Variants in LMX1A observed in about 807,000 individuals in gnomAD.
LMX1A encodes the protein LIM homeobox transcription factor 1-alpha.
A neutral mutation model predicts 49.1 loss-of-function variants in LMX1A; 15 were observed. That is an observed-to-expected ratio of 0.31 (90% CI 0.20 to 0.47). The LOEUF is 0.47. Ranked by LOEUF, LMX1A falls within the 20% of genes least tolerant of loss-of-function variation. LMX1A has a pLI of 1.00. For missense variants in LMX1A, 372 were observed against 475.8 expected (o/e 0.78, Z 2.03); for synonymous variants, 167 against 185.7 (o/e 0.90, Z 0.82).
intron 3 of LMX1A, among the ~76,000 whole-genome samples, chr1:165,272,782 T>G (rs1416593222): frequency 6.6e-6 from 1 of 152,058 alleles, no homozygotes. Context: ...CTATGAGCGA[T>G]AGTTATTGAT....
intron 3 of LMX1A, among the ~76,000 whole-genome samples, chr1:165,277,392 C>A (rs891576682): frequency 2.0e-5 from 3 of 152,212 alleles, no homozygotes; most frequent in East Asian, 1.9e-4. Flanking sequence ...CCAAATCCCC[C>A]CCTTGGGAAG....
At chr1:165,293,408 A>G (rs1654532253) in intron 3 of LMX1A, among the ~76,000 whole-genome samples, 1 of 152,254 alleles carries the variant, frequency 6.6e-6, no homozygotes, top group Non-Finnish European at 1.5e-5. Flanking sequence ...AAGTCACATT[A>G]CTACTCTTAC....
At chr1:165,204,440 C>T (rs1650986014) in intron 8 of LMX1A, among the ~76,000 whole-genome samples, 1 of 152,204 alleles carries the variant, frequency 6.6e-6, no homozygotes, top group Non-Finnish European at 1.5e-5. Flanking sequence ...TTGAGTGAAG[C>T]TAATGAAAAC....
intron 3 of LMX1A, among the ~76,000 whole-genome samples, chr1:165,339,525 G>C (rs1571231693): frequency 6.6e-6 from 1 of 152,164 alleles, no homozygotes; most frequent in South Asian, 2.1e-4. Flanking sequence ...TGAGATGACT[G>C]GTATCTGAAG....
intron 3 of LMX1A, among the ~76,000 whole-genome samples, chr1:165,268,534 C>T (rs1016679721): frequency 2.0e-5 from 3 of 152,152 alleles, no homozygotes; most frequent in Admixed American, 1.3e-4. Flanking sequence ...ACATCTAATG[C>T]CAATATGTAC....
At position 165,212,512 on chromosome 1, in the gene LMX1A, G is replaced by GT. The variant is rs755910043; in HGVS notation, c.669+1128dup. 3.7e-4 allele frequency among the ~76,000 whole-genome samples: 23 copies of GT among 62,912 alleles called. No homozygotes were observed. The East Asian group carries it at 0.018, about 48-fold the overall frequency. 41.3% of individuals were successfully genotyped at this position (62,912 alleles called of 152,430 possible). ...TTGTTGGGAACCATGGTGACTTTTT[G>GT]TTTGTTTTTTTTTTATCACAGACAA... On this transcript the variant is annotated intron_variant, in intron 5 of 8. Coordinates refer to ENST00000342310, the MANE Select transcript of LMX1A (RefSeq NM_177398.4).
chr1:165,249,651 G>C lies in LMX1A; in HGVS notation c.264-11C>G. 1 of 1,608,972 alleles carries C rather than the reference G, an allele frequency of 6.2e-7. No homozygotes were observed. The highest frequency in any genetic ancestry group is 8.5e-7 in the Non-Finnish European group (1 of 1,176,786). ...TTAACAGCAAACAGCCTGGCAGCAGGGAGAAAGGAAGTACATGCACCATGA... is the reference window on the plus strand; with the variant it reads ...TTAACAGCAAACAGCCTGGCAGCAGCGAGAAAGGAAGTACATGCACCATGA... On this transcript the variant is annotated splice_polypyrimidine_tract_variant and intron_variant, in intron 3 of 8. Coordinates refer to ENST00000342310, the MANE Select transcript of LMX1A (RefSeq NM_177398.4).
chr1:165,255,469 A>T (rs565806244), intron 3 of LMX1A, among the ~76,000 whole-genome samples: 7 of 152,202 alleles, frequency 4.6e-5, no homozygotes, highest in Non-Finnish European at 8.8e-5. Flanking sequence ...AGGCAGCATG[A>T]CTGGGAGAAC....
At chr1:165,213,865 G>A in intron 4 of LMX1A, 52 bp from the exon 5 acceptor site, 1 of 1,561,304 alleles carries the variant, frequency 6.4e-7, no homozygotes, top group South Asian at 1.1e-5. Flanking sequence ...AGTTCCTGGA[G>A]CTGTATGTTA....
intron 3 of LMX1A, among the ~76,000 whole-genome samples, chr1:165,352,602 G>A (rs371819162): frequency 6.6e-6 from 1 of 152,214 alleles, no homozygotes; most frequent in East Asian, 1.9e-4. Context: ...CAGAAGCTGC[G>A]GGGTCAATAC....
intron 3 of LMX1A, among the ~76,000 whole-genome samples, chr1:165,262,386 A>C (rs1653469921): frequency 6.6e-6 from 1 of 152,236 alleles, no homozygotes; most frequent in Non-Finnish European, 1.5e-5. Flanking sequence ...ACCTGTTAAG[A>C]ATGCAGAAAA....
intron 4 of LMX1A, among the ~76,000 whole-genome samples, chr1:165,215,820 G>A (rs1651621931): frequency 6.6e-6 from 1 of 152,166 alleles, no homozygotes; most frequent in Non-Finnish European, 1.5e-5. Flanking sequence ...CATGCTGTAA[G>A]TATGGCCCTG....
At position 165,226,157 on chromosome 1, in the gene LMX1A, A is replaced by G. The variant is rs1207855619; in HGVS notation, c.497-12344T>C. Among the ~76,000 whole-genome samples the G allele has an allele frequency of 3.9e-5, 6 of 152,312 alleles. No homozygotes were observed. In the South Asian group the frequency reaches 1.0e-3, roughly 26 times the overall value. ...GTTGTGCATCATTGGGAAGTACACCACCAAGCACAAGGCCAAGCCTCTCTC... is the reference window on the plus strand; with the variant it reads ...GTTGTGCATCATTGGGAAGTACACCGCCAAGCACAAGGCCAAGCCTCTCTC... On this transcript the variant is annotated intron_variant, in intron 4 of 8. Transcript: ENST00000342310.
intron 3 of LMX1A, among the ~76,000 whole-genome samples, chr1:165,325,461 ATGTGTGTG>A (rs61491320): frequency 9.3e-5 from 14 of 150,744 alleles, no homozygotes; most frequent in African/African-American, 3.4e-4. Flanking sequence ...GTATATACAT[ATGTGTGTG>A]TGTGTGTGTG....
At chr1:165,306,449 GAAGCCTGGGT>G (rs994148711) in intron 3 of LMX1A, among the ~76,000 whole-genome samples, 1 of 152,152 alleles carries the variant, frequency 6.6e-6, no homozygotes, top group African/African-American at 2.4e-5. Context: ...GACCCCGCCT[GAAGCCTGGGT>G]AAGTCCAGGT....
Position 165,203,528 on chromosome 1 carries a change from G to A in LMX1A, c.*352C>T, listed in dbSNP as rs1650937011. The A allele has an allele frequency of 5.7e-6, 1 of 176,234 alleles. No homozygotes were observed. Among genetic ancestry groups the A allele is most frequent in the South Asian group, 1.6e-4 (1 of 6,146 alleles). 10.9% of individuals were successfully genotyped at this position (176,234 alleles called of 1,614,324 possible). On this transcript the variant is annotated 3_prime_UTR_variant, in exon 9 of 9. Transcript: ENST00000342310. ...CTGTCTATTGGTGTGTAGATGGATAGACATATGCACCTCTTGACAAGAGCT... is the reference window on the plus strand; with the variant it reads ...CTGTCTATTGGTGTGTAGATGGATAAACATATGCACCTCTTGACAAGAGCT...
chr1:165,296,800 T>G (rs74118549), intron 3 of LMX1A, among the ~76,000 whole-genome samples: 26,272 of 152,272 alleles, frequency 0.17, 2,472 homozygotes, highest in Non-Finnish European at 0.2. Flanking sequence ...TATTTTTATA[T>G]TTTTGTTTTA....
Position 165,355,463 on chromosome 1 carries a change from A to C in LMX1A, c.76+21T>G. On this transcript the variant is annotated intron_variant, in intron 2 of 8. Coordinates refer to ENST00000342310, the MANE Select transcript of LMX1A (RefSeq NM_177398.4). The surrounding 1 kb of genome is among the most constrained non-coding windows in gnomAD (Gnocchi z 4.7). ...CAAGCGGAAAGAGAGTGCGCCCAGG[A>C]CGCACGGCCTGAACACTCACCCAGC... is the stretch of plus-strand genomic sequence containing the variant. 2 of 1,611,898 alleles carry C rather than the reference A, an allele frequency of 1.2e-6. No individual in the cohort carries two copies. Among genetic ancestry groups the C allele is most frequent in the South Asian group, 1.1e-5 (1 of 90,854 alleles).
intron 3 of LMX1A, among the ~76,000 whole-genome samples, chr1:165,253,710 C>T (rs1240190856): frequency 6.6e-6 from 1 of 152,190 alleles, no homozygotes; most frequent in Non-Finnish European, 1.5e-5. Context: ...TCTCGATATG[C>T]TTCTCCTCTG....
Sources: gnomAD v4.1 joint callset for allele counts (sites outside exome capture counted in the v4.1 genomes callset) on GRCh38, gnomAD v4.1.1 for gene constraint, Gnocchi (gnomAD v3.1) non-coding constraint, MANE v1.5 for transcripts, NCBI Gene and HGNC (gene_info 2026-07-23, HGNC 2026-07-21) for gene names.